Variants in DPYD observed in about 807,000 individuals in gnomAD.
DPYD encodes the protein dihydropyrimidine dehydrogenase, also known as dihydropyrimidine dehydrogenase [NADP(+)].
DPYD carries 109 observed loss-of-function variants against 116.2 expected under a neutral mutation model. The ratio of observed to expected loss-of-function variants is 0.94; its 90% CI spans 0.80 to 1.10. The LOEUF is 1.10. Among genes scored for constraint, DPYD ranks in the 50% least tolerant of loss-of-function variants. The probability of loss-of-function intolerance (pLI) is 0.00; values close to 1 mark genes in which losing one functional copy is unlikely to be tolerated. For missense variants in DPYD, 1,302 were observed against 1,254.5 expected, an observed-to-expected ratio of 1.04 and a Z score of -0.57; for synonymous variants, 440 against 432.0, an observed-to-expected ratio of 1.02 and a Z score of -0.23.
intron 11 of DPYD, among the ~76,000 whole-genome samples, chr1:97,554,711 T>C (rs1651566455): frequency 6.6e-6 from 1 of 152,110 alleles, no homozygotes; most frequent in Non-Finnish European, 1.5e-5. Context: ...TGCCTCCAAC[T>C]AAGAATATCA....
chr1:97,342,002 A>G (rs1303782637), intron 16 of DPYD, among the ~76,000 whole-genome samples: 3 of 152,228 alleles, frequency 2.0e-5, no homozygotes. Flanking sequence ...TGATCTGACG[A>G]AGTTTAGAAT....
At chr1:97,495,684 T>A (rs1357988392) in intron 13 of DPYD, among the ~76,000 whole-genome samples, 1 of 152,070 alleles carries the variant, frequency 6.6e-6, no homozygotes, top group African/African-American at 2.4e-5. Flanking sequence ...TTACAGCTGG[T>A]ATCATGATAA....
chr1:97,563,130 A>G (rs1306163463), intron 11 of DPYD, among the ~76,000 whole-genome samples: 1 of 152,218 alleles, frequency 6.6e-6, no homozygotes, highest in Non-Finnish European at 1.5e-5. Flanking sequence ...CTCACTCTGC[A>G]ATACAAAATA....
rs569087057 is a variant in DPYD at position 97,806,953 on chromosome 1, A to G, written c.233+21161T>C. 2.2e-4 allele frequency among the ~76,000 whole-genome samples: 33 copies of G among 152,106 alleles called. No homozygotes were observed. The South Asian group carries it at 6.6e-3, about 31-fold the overall frequency. Reference sequence around the variant, plus strand: ...GATTGATTTCTTTCATTTAGTAATAAGCATTTAACTGTACTCCATGTCTTC... The same window carrying G: ...GATTGATTTCTTTCATTTAGTAATAGGCATTTAACTGTACTCCATGTCTTC... On this transcript the variant is annotated intron_variant, in intron 3 of 22. Coordinates refer to ENST00000370192, the MANE Select transcript of DPYD (RefSeq NM_000110.4).
In DPYD at chr1:97,641,412, A is replaced by T. The variant is rs569161912; in HGVS notation, c.850+37683T>A. Among the ~76,000 whole-genome samples the T allele has an allele frequency of 2.6e-5, 4 of 152,270 alleles. No homozygotes were observed. In the South Asian group the frequency reaches 8.3e-4, roughly 32 times the overall value. On this transcript the variant is annotated intron_variant, in intron 8 of 22. Transcript: ENST00000370192. ...GACTTTCTAACCACCAAATAAAGAA[A>T]GATTTTACTTCTACTCCTGATATTT... is the stretch of plus-strand genomic sequence containing the variant.
chr1:97,604,603 T>C (rs1489891050), intron 8 of DPYD, among the ~76,000 whole-genome samples: 2 of 152,092 alleles, frequency 1.3e-5, no homozygotes, highest in East Asian at 1.9e-4. Flanking sequence ...ACAAGAAATA[T>C]GTTAGATATT....
At chr1:97,752,338 T>G (rs190141062) in intron 3 of DPYD, among the ~76,000 whole-genome samples, 66 of 151,552 alleles carry the variant, frequency 4.4e-4, no homozygotes, top group African/African-American at 1.6e-3. Flanking sequence ...ACACATACAT[T>G]AAATTTAAAT....
chr1:97,292,035 C>A (rs1666218221), intron 18 of DPYD, among the ~76,000 whole-genome samples: 1 of 151,422 alleles, frequency 6.6e-6, no homozygotes, highest in Admixed American at 6.6e-5. Context: ...ATTTTTTTTC[C>A]TTTCAAAGTG....
At chr1:97,751,377 T>C (rs1231703712) in intron 3 of DPYD, among the ~76,000 whole-genome samples, 2 of 144,396 alleles carry the variant, frequency 1.4e-5, no homozygotes, top group Non-Finnish European at 3.0e-5. Context: ...CACACATATA[T>C]ATACATATAT....
rs557889554 is a variant in DPYD at position 97,169,949 on chromosome 1, A to T, written c.2622+23120T>A. Among the ~76,000 whole-genome samples, 59 of 152,236 alleles carry T rather than the reference A, an allele frequency of 3.9e-4. 2 individuals are homozygous for T. In the South Asian group the frequency reaches 0.012, roughly 30 times the overall value. ...AACCATGGTATTTATACCTTGTGAC[A>T]CTCAATAAATAACTAAGGAATAGAT... On this transcript the variant is annotated intron_variant, in intron 20 of 22. Coordinates refer to ENST00000370192, the MANE Select transcript of DPYD (RefSeq NM_000110.4).
At chr1:97,226,091 C>T (rs1287226017) in intron 19 of DPYD, among the ~76,000 whole-genome samples, 1 of 152,034 alleles carries the variant, frequency 6.6e-6, no homozygotes, top group Non-Finnish European at 1.5e-5. Context: ...TAAACCTATG[C>T]AAACCAATAA....
intron 1 of DPYD, among the ~76,000 whole-genome samples, chr1:97,905,930 A>G (rs1300620429): frequency 1.3e-4 from 20 of 152,080 alleles, no homozygotes; most frequent in Admixed American, 1.2e-3. Context: ...CTTTAATCAA[A>G]CCATTTAACC....
At chr1:97,511,103 G>T (rs193084801) in intron 13 of DPYD, among the ~76,000 whole-genome samples, 13 of 152,028 alleles carry the variant, frequency 8.6e-5, no homozygotes, top group Admixed American at 2.0e-4. Context: ...TGAAGTAGGA[G>T]AACTGATCAT....
intron 22 of DPYD, among the ~76,000 whole-genome samples, chr1:97,081,941 A>C (rs1367294757): frequency 1.3e-5 from 2 of 152,112 alleles, no homozygotes; most frequent in African/African-American, 2.4e-5. Context: ...CTCTTTTGGC[A>C]GAAGGAATCA....
chr1:97,282,031 C>A (rs1665355468), intron 18 of DPYD, among the ~76,000 whole-genome samples: 2 of 152,000 alleles, frequency 1.3e-5, no homozygotes, highest in South Asian at 4.1e-4. Flanking sequence ...AAATATCTAT[C>A]TCTATTTTAA....
intron 12 of DPYD, among the ~76,000 whole-genome samples, chr1:97,540,223 T>G (rs1650322939): frequency 6.6e-6 from 1 of 151,228 alleles, no homozygotes; most frequent in African/African-American, 2.4e-5. Flanking sequence ...AGCCCCAGGT[T>G]ATTTTACCTG....
chr1:97,440,677 C>T (rs978119531), intron 14 of DPYD, among the ~76,000 whole-genome samples: 1 of 152,120 alleles, frequency 6.6e-6, no homozygotes, highest in Non-Finnish European at 1.5e-5. Flanking sequence ...GTACATTTAG[C>T]TTTATGTATG....
chr1:97,337,808 T>A (rs1669380029), intron 16 of DPYD, among the ~76,000 whole-genome samples: 1 of 152,188 alleles, frequency 6.6e-6, no homozygotes, highest in Non-Finnish European at 1.5e-5. Context: ...GAGTACCATT[T>A]AACTATGTTA....
At chr1:97,865,858 A>G (rs1214994435) in intron 2 of DPYD, among the ~76,000 whole-genome samples, 1 of 151,960 alleles carries the variant, frequency 6.6e-6, no homozygotes, top group East Asian at 1.9e-4. Flanking sequence ...CAACACTGGC[A>G]TATATTTGAA....
Sources: allele counts gnomAD v4.1 joint callset (sites outside exome capture counted in the v4.1 genomes callset), GRCh38; gene constraint gnomAD v4.1.1; transcripts MANE v1.5; gene names NCBI Gene and HGNC (gene_info 2026-07-23, HGNC 2026-07-21).